The following FOCAD variants were observed in gnomAD, a reference collection of about 807,000 sequenced individuals.
FOCAD encodes focadhesin.
In FOCAD, 198 loss-of-function variants were observed where a neutral mutation model predicts 225.6. That is an observed-to-expected ratio of 0.88 (90% CI 0.78 to 0.99). The LOEUF (loss-of-function observed/expected upper bound fraction) is 0.99, where lower values mean the gene tolerates loss of function less well. Ranked by LOEUF, FOCAD falls within the 50% of genes least tolerant of loss-of-function variation. The pLI, the probability that FOCAD is intolerant of heterozygous loss-of-function variation, is 0.00. For missense variants in FOCAD, 2,713 were observed against 2,123.6 expected (o/e 1.28, Z -5.46); for synonymous variants, 897 against 755.0 (o/e 1.19, Z -3.08).
chr9:20,878,281 C>T (rs1020876953), intron 19 of FOCAD, among the ~76,000 whole-genome samples: 1 of 152,122 alleles, frequency 6.6e-6, no homozygotes, highest in African/African-American at 2.4e-5. Flanking sequence ...AATAATTTGG[C>T]AGGGGAGATT....
rs778315981 is a variant in FOCAD, at chr9:20,912,973, C to G, written c.2807+19C>G. Reference sequence around the variant, plus strand: ...GGCTCTGGTAAGTGTTCATGTTCAGCTGCCCATTATTTGTCATGGGAAGTG... The same window carrying G: ...GGCTCTGGTAAGTGTTCATGTTCAGGTGCCCATTATTTGTCATGGGAAGTG... On this transcript the variant is annotated intron_variant, in intron 23 of 43. Coordinates refer to ENST00000338382, the MANE Select transcript of FOCAD (RefSeq NM_001375567.1). 6.3e-7 allele frequency: 1 copy of G among 1,596,124 alleles called. No individual in the cohort carries two copies. The highest frequency in any genetic ancestry group is 1.7e-5 in the Admixed American group (1 of 59,460).
intron 21 of FOCAD, among the ~76,000 whole-genome samples, chr9:20,901,801 A>G (rs996064166): frequency 6.6e-6 from 1 of 151,990 alleles, no homozygotes; most frequent in African/African-American, 2.4e-5. Flanking sequence ...CAGAATTTCA[A>G]TATATAAAAA....
Position 20,868,312 on chromosome 9 carries a change from C to G in FOCAD, c.2190+1300C>G, listed in dbSNP as rs139669430. On this transcript the variant is annotated intron_variant, in intron 18 of 43. Coordinates refer to ENST00000338382, the MANE Select transcript of FOCAD (RefSeq NM_001375567.1). ...ATTTAAATCACAGCATAAAAATTACCCTTATTTTTACCTTTCATTCCTAAA... is the reference window on the plus strand; with the variant it reads ...ATTTAAATCACAGCATAAAAATTACGCTTATTTTTACCTTTCATTCCTAAA... Among the ~76,000 whole-genome samples the G allele has an allele frequency of 1.0e-3, 159 of 152,126 alleles. 3 individuals carry two copies. In the East Asian group the frequency reaches 0.028, roughly 26 times the overall value.
chr9:20,822,872 C>A, intron 14 of FOCAD, 117 bp from the exon 15 acceptor site: 1 of 866,174 alleles, frequency 1.2e-6, no homozygotes, highest in Non-Finnish European at 1.6e-6. Context: ...TTGAGGGTCA[C>A]CATTTAGTGG....
At chr9:20,822,866 G>A in intron 14 of FOCAD, 123 bp from the exon 15 acceptor site, 1 of 755,454 alleles carries the variant, frequency 1.3e-6, no homozygotes, top group East Asian at 3.4e-5. Context: ...TAATATTTGA[G>A]GGTCACCATT....
intron 34 of FOCAD, 85 bp downstream of exon 34, chr9:20,951,183 T>C: frequency 1.0e-6 from 1 of 992,182 alleles, no homozygotes; most frequent in South Asian, 1.4e-5. Flanking sequence ...GCATTAATCT[T>C]CACAACAACC....
chr9:20,680,374 A>G (rs987027619), upstream of FOCAD, among the ~76,000 whole-genome samples: 4 of 152,164 alleles, frequency 2.6e-5, no homozygotes, highest in Admixed American at 1.3e-4. Context: ...CCTGGCCCAC[A>G]TGGTGTAACC....
chr9:20,943,154 T>C (rs1836836724), intron 28 of FOCAD, among the ~76,000 whole-genome samples: 1 of 152,218 alleles, frequency 6.6e-6, no homozygotes, highest in East Asian at 1.9e-4. Flanking sequence ...TCCTCTTCCG[T>C]AAATGTGATT....
intron 34 of FOCAD, among the ~76,000 whole-genome samples, chr9:20,952,042 A>T (rs1045835010): frequency 6.6e-6 from 1 of 152,220 alleles, no homozygotes; most frequent in African/African-American, 2.4e-5. Flanking sequence ...AACTTTAGAC[A>T]GCTAAAGTTA....
chr9:20,770,437 A>C (rs1455519931), intron 8 of FOCAD, among the ~76,000 whole-genome samples, 199 bp downstream of exon 8: 1 of 152,186 alleles, frequency 6.6e-6, no homozygotes. Context: ...AGGAGCCAGC[A>C]CTTCACATGG....
chr9:20,826,655 T>G (rs1323852718), intron 15 of FOCAD, among the ~76,000 whole-genome samples: 1 of 152,078 alleles, frequency 6.6e-6, no homozygotes, highest in Non-Finnish European at 1.5e-5. Flanking sequence ...TAGTGTGAAT[T>G]TGGACATTTT....
intron 2 of FOCAD, among the ~76,000 whole-genome samples, chr9:20,670,375 A>C (rs1822024559): frequency 6.6e-6 from 1 of 152,216 alleles, no homozygotes; most frequent in Admixed American, 6.5e-5. Flanking sequence ...ATACCACCTG[A>C]AACTGGGTAA....
Position 20,804,845 on chromosome 9 carries a change from GA to G in FOCAD, c.1456-14942del, listed in dbSNP as rs377566786. ...TTCATTCTTTGCTGCTTGCATGTAG[GA>G]AAAAAAAATCAGTGGCGGGGGGTGG... On this transcript the variant is annotated intron_variant, in intron 11 of 43. Transcript: ENST00000338382. Among the ~76,000 whole-genome samples the G allele has an allele frequency of 3.3e-3, 360 of 110,364 alleles. 3 individuals are homozygous for G. The highest frequency in any genetic ancestry group is 3.5e-3 in the Non-Finnish European group (193 of 54,606). 72.4% of individuals were successfully genotyped at this position (110,364 alleles called of 152,430 possible). A position where few individuals can be genotyped will look rare whatever the true frequency, so the allele number is the denominator to read the frequency against.
chr9:20,880,003 T>C (rs1830536997), intron 19 of FOCAD, among the ~76,000 whole-genome samples: 1 of 152,180 alleles, frequency 6.6e-6, no homozygotes, highest in Non-Finnish European at 1.5e-5. Context: ...AACAGTTGAT[T>C]CATAGCTGCA....
rs369597486 is a variant in FOCAD at position 20,923,756 on chromosome 9, C to T, written c.2949C>T (p.Asp983=). 52 of 1,613,114 alleles carry T rather than the reference C, an allele frequency of 3.2e-5. No homozygotes were observed. Among genetic ancestry groups the T allele is most frequent in the South Asian group, 8.8e-5 (8 of 90,980 alleles). Reference sequence around the variant, plus strand: ...AAGCCAGCCTCTCCTCAGACTCTGACGGGCTCCTGGAGGTTAGTTGGGGTG... The same window carrying T: ...AAGCCAGCCTCTCCTCAGACTCTGATGGGCTCCTGGAGGTTAGTTGGGGTG... The part of the protein sequence containing the change: ...RHEASLSSDS[D]GLLEVQPNFL... The change falls in exon 25 of 44, where the codon GAC becomes GAT. Residue 983 remains aspartate, a synonymous_variant. Coordinates refer to ENST00000338382, the MANE Select transcript of FOCAD (RefSeq NM_001375567.1).
In FOCAD at chr9:20,760,360, C is replaced by G. The variant is rs186166819; in HGVS notation, c.494+2169C>G. On this transcript the variant is annotated intron_variant, in intron 6 of 43. Coordinates refer to ENST00000338382, the MANE Select transcript of FOCAD (RefSeq NM_001375567.1). ...CTGAAACAGTTTGAAATTCCCTGGACTATAGGATAAAATCTAATATGTCAT... is the reference window on the plus strand; with the variant it reads ...CTGAAACAGTTTGAAATTCCCTGGAGTATAGGATAAAATCTAATATGTCAT... 1.8e-4 allele frequency among the ~76,000 whole-genome samples: 27 copies of G among 152,336 alleles called. No homozygotes were observed. The East Asian group carries it at 5.0e-3, about 28-fold the overall frequency.
chr9:20,937,669 G>C (rs1836136072), intron 28 of FOCAD, among the ~76,000 whole-genome samples: 1 of 152,258 alleles, frequency 6.6e-6, no homozygotes, highest in East Asian at 1.9e-4. Flanking sequence ...ATAGGCATGG[G>C]CAAGGACTGC....
At chr9:20,817,230 C>T (rs548224303) in intron 11 of FOCAD, among the ~76,000 whole-genome samples, 69 of 152,202 alleles carry the variant, frequency 4.5e-4, no homozygotes, top group South Asian at 1.9e-3. Flanking sequence ...TCATGTAATT[C>T]ATCCATTTGA....
intron 11 of FOCAD, among the ~76,000 whole-genome samples, chr9:20,804,581 T>A (rs1034211710): frequency 9.2e-5 from 14 of 151,798 alleles, no homozygotes; most frequent in African/African-American, 3.4e-4. Context: ...ATACAGTCCT[T>A]CTAATCGGAT....
Sources: allele counts gnomAD v4.1 joint callset (sites outside exome capture counted in the v4.1 genomes callset), GRCh38; gene constraint gnomAD v4.1.1; transcripts MANE v1.5; gene names NCBI Gene and HGNC (gene_info 2026-07-23, HGNC 2026-07-21).